The following ADGRG6 variants were observed in gnomAD, a reference collection of about 807,000 sequenced individuals.
ADGRG6 encodes G-protein coupled receptor 126.
In ADGRG6, 84 loss-of-function variants were observed where a neutral mutation model predicts 142.4. The ratio of observed to expected loss-of-function variants is 0.59; its 90% CI spans 0.49 to 0.71. The LOEUF (loss-of-function observed/expected upper bound fraction) is 0.71, where lower values mean the gene tolerates loss of function less well. Ranked by LOEUF, ADGRG6 falls within the 30% of genes least tolerant of loss-of-function variation. The pLI is 0.00. For missense variants in ADGRG6, 1,367 were observed against 1,466.6 expected (o/e 0.93, Z 1.11); for synonymous variants, 521 against 520.5 (o/e 1.00, Z -0.01).
At chr6:142,330,979 G>A (rs538581119) in intron 2 of ADGRG6, among the ~76,000 whole-genome samples, 2 of 151,932 alleles carry the variant, frequency 1.3e-5, no homozygotes, top group East Asian at 3.9e-4. Context: ...CTGGACTTGA[G>A]GAACAGTTTT....
Position 142,306,598 on chromosome 6 carries a change from T to C in ADGRG6, c.3-2946T>C, listed in dbSNP as rs188818832. 4.0e-3 allele frequency among the ~76,000 whole-genome samples: 614 copies of C among 152,262 alleles called. 4 individuals are homozygous for C. The highest frequency in any genetic ancestry group is 7.0e-3 in the Non-Finnish European group (476 of 67,998). On this transcript the variant is annotated intron_variant, in intron 1 of 24. Coordinates refer to ENST00000367609, the MANE Select transcript of ADGRG6 (RefSeq NM_198569.3). ...GGTTTCTTCCAGATATAGGAGTCTA[T>C]GACTGTCTTTTACTTAAAAAATGTT...
At chr6:142,394,958 A>G (rs1775096664) in intron 9 of ADGRG6, among the ~76,000 whole-genome samples, 2 of 152,132 alleles carry the variant, frequency 1.3e-5, no homozygotes, top group South Asian at 2.1e-4. Flanking sequence ...CTGGATCTCA[A>G]TAGACTGAAT....
chr6:142,436,625 G>A (rs1464475421), intron 22 of ADGRG6, among the ~76,000 whole-genome samples: 10 of 152,040 alleles, frequency 6.6e-5, no homozygotes, highest in Non-Finnish European at 1.2e-4. Flanking sequence ...TTTTTTGTTT[G>A]TTCTTAAAAA....
At chr6:142,349,407 A>G (rs144940931) in intron 2 of ADGRG6, among the ~76,000 whole-genome samples, 1 of 152,348 alleles carries the variant, frequency 6.6e-6, no homozygotes, top group Non-Finnish European at 1.5e-5. Flanking sequence ...GGAATGCCCC[A>G]CATAGTTGCT....
rs757248124 is a variant in ADGRG6, at chr6:142,438,329, G to C, written c.3539G>C (p.Ser1180Thr). ...TATCTTACATCCAAATCTAAATCCA[G>C]CTCTACCACCTATTTCAAAAGGAAT... ...STYLTSKSKS[S>T]STTYFKRNSH... is the part of the protein sequence containing the mutation. Residue 1180 changes from serine to threonine, a missense_variant, in exon 24 of 25, where the codon AGC (serine) becomes ACC (threonine). Physicochemically the swap from Ser to Thr is moderately conservative, Grantham distance 58. This residue lies in a region of ADGRG6 where 344 missense variants were observed against 348.7 expected (regional missense o/e 0.99). Transcript: ENST00000367609. 6.2e-7 allele frequency: 1 copy of C among 1,609,428 alleles called. No homozygotes were observed. Among genetic ancestry groups the C allele is most frequent in the African/African-American group, 1.3e-5 (1 of 74,766 alleles).
intron 5 of ADGRG6, among the ~76,000 whole-genome samples, chr6:142,383,283 TAAG>T (rs1781857771): frequency 6.6e-6 from 1 of 152,216 alleles, no homozygotes; most frequent in African/African-American, 2.4e-5. Flanking sequence ...ACATTCATCT[TAAG>T]AAGAAGTACA....
chr6:142,364,830 A>G (rs756509091), intron 2 of ADGRG6, among the ~76,000 whole-genome samples: 6 of 152,156 alleles, frequency 3.9e-5, no homozygotes, highest in Non-Finnish European at 7.4e-5. Flanking sequence ...GGGCCACTAC[A>G]CTCCAGCCTG....
At chr6:142,423,269 G>C (rs1390722717) in intron 22 of ADGRG6, among the ~76,000 whole-genome samples, 2 of 143,210 alleles carry the variant, frequency 1.4e-5, no homozygotes, top group Non-Finnish European at 3.1e-5. Flanking sequence ...GTAATGCCTA[G>C]GTTTTCTTCT....
intron 2 of ADGRG6, among the ~76,000 whole-genome samples, chr6:142,317,708 A>C: frequency 9.0e-6 from 1 of 110,588 alleles, no homozygotes; most frequent in Non-Finnish European, 1.7e-5. Flanking sequence ...GTAAATATAT[A>C]TATATTTATA....
At position 142,405,301 on chromosome 6, in the gene ADGRG6, G is replaced by T. The variant is rs149574689; in HGVS notation, c.2128-387G>T. 3 of 456,048 alleles carry T rather than the reference G, an allele frequency of 6.6e-6. No homozygotes were observed. In the East Asian group the frequency reaches 2.1e-4, roughly 32 times the overall value. The allele number at this position is 456,048 out of a possible 1,614,324, so 28.3% of individuals were successfully genotyped here. On this transcript the variant is annotated intron_variant, in intron 14 of 24. Transcript: ENST00000367609. ...GTCTGAAATCAACAAGTTAACTTCA[G>T]TCTCTTTCTCTTTCTCTCTCCCTTG...
intron 2 of ADGRG6, among the ~76,000 whole-genome samples, chr6:142,317,800 T>TTA (rs1471878217): frequency 1.1e-5 from 1 of 90,768 alleles, no homozygotes; most frequent in Non-Finnish European, 2.0e-5. Flanking sequence ...AATATATATA[T>TTA]TATATATATT....
chr6:142,340,384 C>T (rs1188072961), intron 2 of ADGRG6, among the ~76,000 whole-genome samples: 1 of 152,074 alleles, frequency 6.6e-6, no homozygotes, highest in Admixed American at 6.5e-5. Context: ...TATTTGTGGT[C>T]ATGATTAAAC....
intron 18 of ADGRG6, among the ~76,000 whole-genome samples, chr6:142,413,899 TCACA>T (rs112923600): frequency 0.021 from 3,034 of 141,444 alleles, 39 homozygotes; most frequent in Middle Eastern, 0.043. Flanking sequence ...CATTTCTTTA[TCACA>T]CACACACACA....
chr6:142,324,469 C>T (rs1417181901), intron 2 of ADGRG6, among the ~76,000 whole-genome samples: 2 of 152,138 alleles, frequency 1.3e-5, no homozygotes. Flanking sequence ...CCTACCTCCA[C>T]ACCATTTATT....
intron 6 of ADGRG6, 64 bp from the exon 7 acceptor site, chr6:142,390,194 T>C: frequency 1.5e-6 from 1 of 685,806 alleles, no homozygotes; most frequent in Non-Finnish European, 2.4e-6. Flanking sequence ...TAACTTTAAA[T>C]TGTTTGATAA....
At chr6:142,392,142 C>T (rs1201718473) in intron 7 of ADGRG6, among the ~76,000 whole-genome samples, 1 of 151,806 alleles carries the variant, frequency 6.6e-6, no homozygotes, top group East Asian at 1.9e-4. Context: ...CCAGGATTCC[C>T]TAAAACTTAC....
Position 142,351,134 on chromosome 6 carries a change from C to T in ADGRG6, c.104-16435C>T, listed in dbSNP as rs968887298. On this transcript the variant is annotated intron_variant, in intron 2 of 24. Coordinates refer to ENST00000367609, the MANE Select transcript of ADGRG6 (RefSeq NM_198569.3). Reference sequence around the variant, plus strand: ...CGGGCACCTGTAGTCCCAGCTACTTCGGAGGCTGAGGCAGGAGAACTCAGG... The same window carrying T: ...CGGGCACCTGTAGTCCCAGCTACTTTGGAGGCTGAGGCAGGAGAACTCAGG... 4.0e-5 allele frequency among the ~76,000 whole-genome samples: 6 copies of T among 151,890 alleles called. No homozygotes were observed. The East Asian group carries it at 5.8e-4, about 15-fold the overall frequency.
At chr6:142,423,007 G>A (rs1370765992) in intron 22 of ADGRG6, among the ~76,000 whole-genome samples, 1 of 151,916 alleles carries the variant, frequency 6.6e-6, no homozygotes, top group Admixed American at 6.6e-5. Flanking sequence ...GTTTTTGATG[G>A]GGTTGTTTGT....
intron 2 of ADGRG6, among the ~76,000 whole-genome samples, chr6:142,335,725 T>A (rs1290470923): frequency 6.6e-6 from 1 of 151,542 alleles, no homozygotes; most frequent in Non-Finnish European, 1.5e-5. Context: ...AGAAAAGAGA[T>A]CTCTGAGCTG....
Sources: allele counts gnomAD v4.1 joint callset (sites outside exome capture counted in the v4.1 genomes callset), GRCh38; gene constraint gnomAD v4.1.1; regional missense constraint gnomAD v4.1.1; transcripts MANE v1.5; gene names NCBI Gene and HGNC (gene_info 2026-07-23, HGNC 2026-07-21).